NRP2: variants seen among roughly 807,000 people sequenced by gnomAD.
NRP2 encodes neuropilin 2, also known as neuropilin-2.
Under a neutral mutation model 110.4 loss-of-function variants are expected in NRP2, and 52 were observed. The observed-to-expected ratio is 0.47, with a 90% CI of 0.38 to 0.59. The LOEUF (loss-of-function observed/expected upper bound fraction) is 0.59, where lower values mean the gene tolerates loss of function less well. Ranked by LOEUF, NRP2 falls within the 20% of genes least tolerant of loss-of-function variation. The pLI is 0.00. For synonymous variants in NRP2, 508 were observed against 468.9 expected, an observed-to-expected ratio of 1.08 and a Z score of -1.08; for missense variants, 1,049 against 1,203.0, an observed-to-expected ratio of 0.87 and a Z score of 1.89.
At chr2:205,770,169 C>CTTTTA (rs1335033419) in intron 15 of NRP2, among the ~76,000 whole-genome samples, 2 of 152,124 alleles carry the variant, frequency 1.3e-5, no homozygotes, top group Non-Finnish European at 2.9e-5. Flanking sequence ...GACTGTCCTA[C>CTTTTA]GCTAGTGGAT....
At chr2:205,722,774 T>C in intron 4 of NRP2, 66 bp downstream of exon 4, 1 of 1,341,756 alleles carries the variant, frequency 7.5e-7, no homozygotes, top group Non-Finnish European at 1.1e-6. Flanking sequence ...TTAGTGATGA[T>C]AAAGAGGAAG....
intron 10 of NRP2, 60 bp downstream of exon 10, chr2:205,745,950 C>T: frequency 6.3e-7 from 1 of 1,598,418 alleles, no homozygotes; most frequent in South Asian, 1.1e-5. Flanking sequence ...CCCTGGCATC[C>T]CACGAGGCCC....
chr2:205,763,881 G>A lies in NRP2; in HGVS notation c.2252G>A (p.Gly751Asp). Reference sequence around the variant, plus strand: ...CTGTGGGTCATCCGTGAGGACCAGGGCGGCGAGTGGAAGCACGGGCGGATC... The same window carrying A: ...CTGTGGGTCATCCGTGAGGACCAGGACGGCGAGTGGAAGCACGGGCGGATC... ...KLLWVIREDQ[G>D]GEWKHGRIIL... Residue 751 changes from glycine to aspartate, a missense_variant, in exon 13 of 17, where the codon GGC becomes GAC. Transcript: ENST00000357785. The surrounding 1 kb of genome is among the most constrained non-coding windows in gnomAD (Gnocchi z 4.0). The A allele has an allele frequency of 1.2e-6, 2 of 1,614,120 alleles. No homozygotes were observed. Among genetic ancestry groups the A allele is most frequent in the Non-Finnish European group, 1.7e-6 (2 of 1,179,972 alleles).
chr2:205,743,631 A>G, intron 9 of NRP2, 79 bp downstream of exon 9: 2 of 1,561,776 alleles, frequency 1.3e-6, no homozygotes, highest in Non-Finnish European at 1.7e-6. Context: ...GAGACTGATG[A>G]TGTCCCATCT....
intron 7 of NRP2, among the ~76,000 whole-genome samples, chr2:205,732,444 G>C (rs895328149): frequency 6.6e-6 from 1 of 152,226 alleles, no homozygotes; most frequent in African/African-American, 2.4e-5. Context: ...AGAGGCACGT[G>C]ATGTCTATTT....
chr2:205,687,552 C>T (rs1376368467), intron 1 of NRP2, among the ~76,000 whole-genome samples: 5 of 152,196 alleles, frequency 3.3e-5, no homozygotes, highest in Admixed American at 6.5e-5. Context: ...CCGGGCAGGC[C>T]CCTACTCGTC....
At chr2:205,718,930 G>A (rs971734528) in intron 3 of NRP2, among the ~76,000 whole-genome samples, 3 of 106,910 alleles carry the variant, frequency 2.8e-5, no homozygotes, top group Non-Finnish European at 5.6e-5. Context: ...CGACAAGAGC[G>A]AAATTCCATC....
At chr2:205,741,099 C>A (rs849573) in intron 8 of NRP2, among the ~76,000 whole-genome samples, 1 of 152,118 alleles carries the variant, frequency 6.6e-6, no homozygotes, top group Non-Finnish European at 1.5e-5. Context: ...CTGCCTCAAC[C>A]GGGGGCCAAG....
chr2:205,763,989 C>G lies in NRP2; in HGVS notation c.2307+53C>G. 6.2e-7 allele frequency: 1 copy of G among 1,605,516 alleles called. No homozygotes were observed. Among genetic ancestry groups the G allele is most frequent in the Non-Finnish European group, 8.5e-7 (1 of 1,174,246 alleles). On this transcript the variant is annotated intron_variant, in intron 13 of 16. Transcript: ENST00000357785. This position sits in a 1 kb window ranked among gnomAD's most constrained non-coding sequence, Gnocchi z 4.0. ...GATCCGTATTTCAATATTTCAAGGG[C>G]CGAGCCCATTCATCGTTAGGGAACG...
At chr2:205,751,652 C>A (rs543713014) in intron 11 of NRP2, among the ~76,000 whole-genome samples, 1 of 152,128 alleles carries the variant, frequency 6.6e-6, no homozygotes, top group South Asian at 2.1e-4. Flanking sequence ...CTCCCTCTGA[C>A]GCCAGCAGTG....
chr2:205,772,748 A>G (rs1332711941), intron 15 of NRP2, among the ~76,000 whole-genome samples: 1 of 152,224 alleles, frequency 6.6e-6, no homozygotes, highest in Non-Finnish European at 1.5e-5. Flanking sequence ...TTGTCAAGCA[A>G]TGGCTCGATC....
At chr2:205,696,840 T>C (rs1465395006) in intron 1 of NRP2, among the ~76,000 whole-genome samples, 1 of 152,258 alleles carries the variant, frequency 6.6e-6, no homozygotes, top group Non-Finnish European at 1.5e-5. Flanking sequence ...CTAGAGCCAG[T>C]AGATTCTCTA....
At chr2:205,718,789 A>G (rs893518066) in intron 3 of NRP2, among the ~76,000 whole-genome samples, 6 of 152,112 alleles carry the variant, frequency 3.9e-5, no homozygotes, top group African/African-American at 1.4e-4. Context: ...TGAAAATACA[A>G]AACTTAGCCG....
At chr2:205,692,590 A>G (rs1214490113) in intron 1 of NRP2, among the ~76,000 whole-genome samples, 1 of 152,206 alleles carries the variant, frequency 6.6e-6, no homozygotes, top group Non-Finnish European at 1.5e-5. Flanking sequence ...TAATATTTAT[A>G]AATATGCAGC....
At chr2:205,697,424 C>A (rs2056455874) in intron 1 of NRP2, 120 bp from the exon 2 acceptor site, 2 of 950,728 alleles carry the variant, frequency 2.1e-6, no homozygotes, top group Non-Finnish European at 3.4e-6. Flanking sequence ...TTCTGGACTG[C>A]CATAAAAGGT....
intron 2 of NRP2, among the ~76,000 whole-genome samples, chr2:205,703,391 A>T (rs760988472): frequency 2.0e-5 from 3 of 152,236 alleles, no homozygotes; most frequent in Non-Finnish European, 4.4e-5. Flanking sequence ...TGAATAAATC[A>T]TATTCTTTTC....
intron 3 of NRP2, 63 bp downstream of exon 3, chr2:205,716,437 C>T (rs2056897817): frequency 1.3e-6 from 2 of 1,571,544 alleles, no homozygotes; most frequent in Non-Finnish European, 1.7e-6. Context: ...AGGGACAGCA[C>T]CCAGTGGGCT....
chr2:205,784,079 C>T (rs540041868), intron 15 of NRP2, among the ~76,000 whole-genome samples: 4 of 151,078 alleles, frequency 2.6e-5, no homozygotes, highest in Admixed American at 1.3e-4. Flanking sequence ...TTAAATATCA[C>T]GAACATTCCC....
At chr2:205,735,795 A>G (rs2057331810) in intron 7 of NRP2, among the ~76,000 whole-genome samples, 1 of 152,208 alleles carries the variant, frequency 6.6e-6, no homozygotes, top group Non-Finnish European at 1.5e-5. Context: ...GATTATATTC[A>G]GAATTCAGAG....
Sources: gnomAD v4.1 joint callset for allele counts (sites outside exome capture counted in the v4.1 genomes callset) on GRCh38, gnomAD v4.1.1 for gene constraint, Gnocchi (gnomAD v3.1) non-coding constraint, MANE v1.5 for transcripts, NCBI Gene and HGNC (gene_info 2026-07-23, HGNC 2026-07-21) for gene names.